SREBF1: variants seen among roughly 807,000 people sequenced by gnomAD.
The protein encoded by SREBF1 is sterol regulatory element-binding protein 1.
In SREBF1, 45 loss-of-function variants were observed where a neutral mutation model predicts 100.1. The observed-to-expected ratio is 0.45, with a 90% confidence interval of 0.35 to 0.58. SREBF1 has a LOEUF of 0.58. Ranked by LOEUF, SREBF1 falls within the 20% of genes least tolerant of loss-of-function variation. The pLI is 0.00. For missense variants in SREBF1, 1,324 were observed against 1,539.4 expected, an observed-to-expected ratio of 0.86 and a Z score of 2.34; for synonymous variants, 657 against 681.8, an observed-to-expected ratio of 0.96 and a Z score of 0.57.
At position 17,836,914 on chromosome 17, in the gene SREBF1, G is replaced by A; in HGVS notation, c.-97C>T. ...GCGGCCCCGGCTCTCAGTCGCCGCC[G>A]CCGCTCCGCGCGTTCGTGTCCTGCC... On this transcript the variant is annotated 5_prime_UTR_variant, in exon 1 of 19. Transcript: ENST00000261646. 1.2e-5 allele frequency: 14 copies of A among 1,162,808 alleles called. No individual in the cohort carries two copies. Among genetic ancestry groups the A allele is most frequent in the East Asian group, 3.1e-5 (1 of 32,478 alleles). The allele number at this position is 1,162,808 out of a possible 1,614,324, so 72.0% of individuals were successfully genotyped here.
intron 1 of SREBF1, among the ~76,000 whole-genome samples, chr17:17,822,490 ACACTCC>A (rs1033102425): frequency 7.2e-5 from 11 of 152,214 alleles, no homozygotes; most frequent in African/African-American, 2.4e-4. Context: ...AGACTGGGAC[ACACTCC>A]CACCTCAGCC....
At chr17:17,822,990 T>C (rs1416424379) in intron 1 of SREBF1, among the ~76,000 whole-genome samples, 2 of 152,238 alleles carry the variant, frequency 1.3e-5, no homozygotes, top group Admixed American at 1.3e-4. Flanking sequence ...CAAGTCATAA[T>C]GGACTTTCAA....
Position 17,819,698 on chromosome 17 carries a change from G to A in SREBF1, c.551C>T (p.Pro184Leu), listed in dbSNP as rs755201140. ...GGAAGCCAGTGGCAGGCCAGGCAGC[G>A]GCTGCTGGGTGTTCCCGGGAGGGCT... The part of the protein sequence containing the change: ...TGSPPGNTQQ[P>L]LPGLPLASPP... Residue 184 changes from proline (P) to leucine (L), a missense_variant, in exon 3 of 19, where the codon CCG becomes CTG. Coordinates refer to ENST00000261646, the MANE Select transcript of SREBF1 (RefSeq NM_004176.5). 15 of 1,608,482 alleles carry A rather than the reference G, an allele frequency of 9.3e-6. No homozygotes were observed. The African/African-American group carries it at 9.3e-5, about 10-fold the overall frequency.
At chr17:17,832,540 A>G (rs1015599880) in intron 1 of SREBF1, among the ~76,000 whole-genome samples, 1 of 152,210 alleles carries the variant, frequency 6.6e-6, no homozygotes, top group African/African-American at 2.4e-5. Context: ...TCCTGGTAGA[A>G]GAAGCTTCAA....
intron 1 of SREBF1, among the ~76,000 whole-genome samples, chr17:17,826,819 G>C (rs557905824): frequency 1.7e-4 from 26 of 152,230 alleles, no homozygotes; most frequent in African/African-American, 2.9e-4. Flanking sequence ...TCCTGGGCAG[G>C]CCTCATGGCA....
chr17:17,832,636 A>G (rs1381728005), intron 1 of SREBF1, among the ~76,000 whole-genome samples: 1 of 152,202 alleles, frequency 6.6e-6, no homozygotes, highest in Non-Finnish European at 1.5e-5. Flanking sequence ...GACTGGCCTC[A>G]GTGGCCAGGC....
At position 17,814,629 on chromosome 17, in the gene SREBF1, C is replaced by T. The variant is rs1051897662; in HGVS notation, c.2721G>A (p.Val907=). The change falls in exon 15 of 19, where the codon GTG becomes GTA. Residue 907 remains valine (V), a synonymous_variant. Transcript: ENST00000261646. ...CGTGCACTCACTCAGACTCCTGCAG[C>T]ACCCGGGGCAGGTGCTCCACCAGCG... ...LCPLVEHLPR[V]LQESERPLPR... is the part of the protein sequence containing the mutation. The T allele has an allele frequency of 5.8e-6, 9 of 1,544,186 alleles. No individual in the cohort carries two copies. Among genetic ancestry groups the T allele is most frequent in the African/African-American group, 5.5e-5 (4 of 73,176 alleles).
chr17:17,814,406 G>A lies in SREBF1; in HGVS notation c.2740C>T (p.Pro914Ser). 2 of 1,555,464 alleles carry A rather than the reference G, an allele frequency of 1.3e-6. No individual in the cohort carries two copies. Among genetic ancestry groups the A allele is most frequent in the African/African-American group, 1.4e-5 (1 of 73,628 alleles). Residue 914 changes from proline (P) to serine (S), a missense_variant, in exon 16 of 19, where the codon CCC (proline) becomes TCC (serine). Pro to Ser is a moderately conservative substitution (Grantham distance 74, BLOSUM62 -1). Transcript: ENST00000261646. Reference sequence around the variant, plus strand: ...GAGTGCAGAGCTGCCCTGGGCAGGGGTCTCCTGTTGGGACCAGGGCAGAAG... The same window carrying A: ...GAGTGCAGAGCTGCCCTGGGCAGGGATCTCCTGTTGGGACCAGGGCAGAAG... The part of the protein sequence containing the change: ...LPRVLQESER[P>S]LPRAALHSFK...
At chr17:17,823,591 C>A in intron 1 of SREBF1, 1 of 1,612,840 alleles carries the variant, frequency 6.2e-7, no homozygotes, top group Non-Finnish European at 8.5e-7. Context: ...CCCTACCCCT[C>A]CCCGCGCCGA....
Position 17,817,234 on chromosome 17 carries a change from T to C in SREBF1, c.1606+22A>G. 1 of 1,608,116 alleles carries C rather than the reference T, an allele frequency of 6.2e-7. No homozygotes were observed. Among genetic ancestry groups the C allele is most frequent in the South Asian group, 1.1e-5 (1 of 90,592 alleles). On this transcript the variant is annotated intron_variant, in intron 8 of 18. Coordinates refer to ENST00000261646, the MANE Select transcript of SREBF1 (RefSeq NM_004176.5). The surrounding 1 kb of genome is among the most constrained non-coding windows in gnomAD (Gnocchi z 6.6). ...TCACCCCGAGTGTCCCTCCCAAAGA[T>C]GCCCAGGCTGGCCGGTCCCACCTCT...
At chr17:17,814,995 G>A in intron 13 of SREBF1, 51 bp from the exon 14 acceptor site, 2 of 1,509,894 alleles carry the variant, frequency 1.3e-6, no homozygotes, top group Middle Eastern at 1.8e-4. Flanking sequence ...GGTCCTAGGA[G>A]GGTGCTCCCC....
Position 17,820,504 on chromosome 17 carries a change from T to G in SREBF1, c.109A>C (p.Asn37His). The G allele has an allele frequency of 6.2e-7, 1 of 1,613,924 alleles. No individual in the cohort carries two copies. The highest frequency in any genetic ancestry group is 8.5e-7 in the Non-Finnish European group (1 of 1,179,982). ...TDIEDMLQLINNQDSDFPGLF... is the reference protein window; with the variant it reads ...TDIEDMLQLIHNQDSDFPGLF... ...CCAGGGAAGTCACTGTCTTGGTTGT[T>G]GATAAGCTGAAGCATGTCTGTGAAA... Residue 37 changes from asparagine to histidine, a missense_variant, in exon 2 of 19, where the codon AAC becomes CAC. Transcript: ENST00000261646.
chr17:17,812,817 C>G lies in SREBF1; in HGVS notation c.3249G>C (p.Arg1083=). ...AVAELEPRPT[R]REHAEALLLA... is the part of the protein sequence containing the mutation. ...GCAGCAAGGCCTCCGCGTGCTCCCGCCGCGTGGGCCGCGGCTCCAGCTCCG... is the reference window on the plus strand; with the variant it reads ...GCAGCAAGGCCTCCGCGTGCTCCCGGCGCGTGGGCCGCGGCTCCAGCTCCG... Residue 1083 remains arginine, a synonymous_variant, in exon 19 of 19, where the codon CGG becomes CGC. Coordinates refer to ENST00000261646, the MANE Select transcript of SREBF1 (RefSeq NM_004176.5). 6.8e-7 allele frequency: 1 copy of G among 1,481,024 alleles called. No homozygotes were observed. Among genetic ancestry groups the G allele is most frequent in the Non-Finnish European group, 8.9e-7 (1 of 1,122,002 alleles). 91.7% of individuals were successfully genotyped at this position (1,481,024 alleles called of 1,614,324 possible).
At position 17,817,602 on chromosome 17, in the gene SREBF1, G is replaced by T; in HGVS notation, c.1404+94C>A. ...CCTCAGTTATTCTGTCTATGAAATG[G>T]GAGGTAGGATCTGTTAGGGTCTTCC... On this transcript the variant is annotated intron_variant, in intron 7 of 18. Transcript: ENST00000261646. The surrounding 1 kb of genome is among the most constrained non-coding windows in gnomAD (Gnocchi z 6.6). 1 of 1,558,730 alleles carries T rather than the reference G, an allele frequency of 6.4e-7. No individual in the cohort carries two copies. Among genetic ancestry groups the T allele is most frequent in the East Asian group, 2.3e-5 (1 of 43,444 alleles).
rs1598119679 is a variant in SREBF1 at position 17,817,532 on chromosome 17, T to A, written c.1405-75A>T. On this transcript the variant is annotated intron_variant, in intron 7 of 18. Coordinates refer to ENST00000261646, the MANE Select transcript of SREBF1 (RefSeq NM_004176.5). The surrounding 1 kb of genome is among the most constrained non-coding windows in gnomAD (Gnocchi z 6.6). ...GAGCATGGGGCTGGGAAGGGGGGGG[T>A]CAGGATTCTGCCCACCTTACTGTGG... 6.6e-7 allele frequency: 1 copy of A among 1,526,140 alleles called. No individual in the cohort carries two copies. Among genetic ancestry groups the A allele is most frequent in the Admixed American group, 2.0e-5 (1 of 50,840 alleles). 94.5% of individuals were successfully genotyped at this position (1,526,140 alleles called of 1,614,324 possible). A position where few individuals can be genotyped will look rare whatever the true frequency, so the allele number is the denominator to read the frequency against.
intron 13 of SREBF1, 46 bp downstream of exon 13, chr17:17,815,175 T>A (rs758921524): frequency 6.4e-7 from 1 of 1,563,686 alleles, no homozygotes; most frequent in Admixed American, 1.7e-5. Context: ...ATTCTCAGAA[T>A]CCCGCCGGAG....
intron 1 of SREBF1, among the ~76,000 whole-genome samples, chr17:17,830,384 T>C (rs1470389085): frequency 6.6e-6 from 1 of 152,250 alleles, no homozygotes; most frequent in African/African-American, 2.4e-5. Context: ...CTATGTGCCA[T>C]GCACTGCTTA....
Position 17,812,776 on chromosome 17 carries a change from A to G in SREBF1, c.3290T>C (p.Leu1097Pro). The G allele has an allele frequency of 6.5e-7, 1 of 1,528,048 alleles. No homozygotes were observed. The highest frequency in any genetic ancestry group is 2.5e-5 in the East Asian group (1 of 40,526). The allele number at this position is 1,528,048 out of a possible 1,614,324, so 94.7% of individuals were successfully genotyped here. The change falls in exon 19 of 19, where the codon CTG (leucine) becomes CCG (proline). Residue 1097 changes from leucine (L) to proline (P), a missense_variant. Physicochemically the swap from Leu to Pro is moderately conservative, Grantham distance 98. Transcript: ENST00000261646. Reference protein sequence around the residue: ...AEALLLASCYLPPGFLSAPGQ... With the variant: ...AEALLLASCYPPPGFLSAPGQ... ...GGGCGCCGACAGGAAGCCGGGGGGCAGGTAGCAGGAGGCCAGCAGCAAGGC... is the reference window on the plus strand; with the variant it reads ...GGGCGCCGACAGGAAGCCGGGGGGCGGGTAGCAGGAGGCCAGCAGCAAGGC...
intron 1 of SREBF1, among the ~76,000 whole-genome samples, chr17:17,825,948 A>G (rs1052851114): frequency 1.3e-5 from 2 of 152,134 alleles, no homozygotes; most frequent in Non-Finnish European, 2.9e-5. Flanking sequence ...TAAGACTGAA[A>G]AAGGAAACTC....
Sources: gnomAD v4.1 joint callset for allele counts (sites outside exome capture counted in the v4.1 genomes callset) on GRCh38, gnomAD v4.1.1 for gene constraint, Gnocchi (gnomAD v3.1) non-coding constraint, MANE v1.5 for transcripts, NCBI Gene and HGNC (gene_info 2026-07-23, HGNC 2026-07-21) for gene names.